Variants in FSTL5 observed in about 807,000 individuals in gnomAD.
The protein encoded by FSTL5 is follistatin-related protein 5.
FSTL5 carries 62 observed loss-of-function variants against 89.1 expected under a neutral mutation model. The observed-to-expected ratio is 0.70, with a 90% confidence interval of 0.57 to 0.86. The LOEUF (loss-of-function observed/expected upper bound fraction) is 0.86. Among genes scored for constraint, FSTL5 ranks in the 40% least tolerant of loss-of-function variants. The pLI is 0.00. For missense variants in FSTL5, 1,057 were observed against 1,001.6 expected (o/e 1.06, Z -0.75); for synonymous variants, 383 against 346.2 (o/e 1.11, Z -1.18).
intron 6 of FSTL5, among the ~76,000 whole-genome samples, chr4:161,709,253 TA>T (rs1369001406): frequency 2.6e-5 from 4 of 152,156 alleles, no homozygotes; most frequent in African/African-American, 9.7e-5. Context: ...ATATATCACA[TA>T]AATTTAAAAA....
chr4:161,547,955 T>C (rs1473478058), intron 8 of FSTL5, among the ~76,000 whole-genome samples: 1 of 151,912 alleles, frequency 6.6e-6, no homozygotes, highest in Admixed American at 6.6e-5. Context: ...TCTACAAATA[T>C]ATTTAACATG....
At chr4:161,793,583 T>C (rs1401851363) in intron 4 of FSTL5, among the ~76,000 whole-genome samples, 2 of 146,170 alleles carry the variant, frequency 1.4e-5, no homozygotes, top group African/African-American at 5.1e-5. Flanking sequence ...TTTTGTCAAA[T>C]AAGGTTGCTT....
At chr4:161,529,187 T>C (rs971097465) in intron 10 of FSTL5, among the ~76,000 whole-genome samples, 3 of 143,538 alleles carry the variant, frequency 2.1e-5, no homozygotes, top group Non-Finnish European at 4.6e-5. Context: ...ACATAGTATC[T>C]TGTTAGTTAA....
intron 6 of FSTL5, among the ~76,000 whole-genome samples, chr4:161,657,864 A>G (rs1192484436): frequency 6.6e-6 from 1 of 152,160 alleles, no homozygotes; most frequent in Non-Finnish European, 1.5e-5. Context: ...ATAAAATGAA[A>G]CAGAAATATA....
intron 2 of FSTL5, among the ~76,000 whole-genome samples, chr4:162,108,524 T>C (rs948238678): frequency 6.6e-6 from 1 of 152,044 alleles, no homozygotes; most frequent in Middle Eastern, 3.4e-3. Context: ...ATTTTATACT[T>C]TTCTAGTCAA....
chr4:161,393,385 G>A (rs1730887125), intron 15 of FSTL5, among the ~76,000 whole-genome samples: 1 of 151,612 alleles, frequency 6.6e-6, no homozygotes, highest in Non-Finnish European at 1.5e-5. Context: ...TGAAGGAAAT[G>A]GAGAGAAAAT....
At chr4:161,947,142 A>ATGTGTGTGTGTGTG (rs70937698) in intron 3 of FSTL5, among the ~76,000 whole-genome samples, 1 of 148,476 alleles carries the variant, frequency 6.7e-6, no homozygotes, top group Non-Finnish European at 1.5e-5. Context: ...GTGTGTGTGT[A>ATGTGTGTGTGTGTG]TGTGTGTGTG....
chr4:161,644,467 A>AGTGAGCC (rs1308953233), intron 7 of FSTL5, among the ~76,000 whole-genome samples: 2 of 151,834 alleles, frequency 1.3e-5, no homozygotes, highest in Non-Finnish European at 2.9e-5. Flanking sequence ...TGGAGGTTGT[A>AGTGAGCC]GTGAGCCGAG....
At position 161,932,019 on chromosome 4, in the gene FSTL5, G is replaced by A. The variant is rs751969949; in HGVS notation, c.161-11367C>T. On this transcript the variant is annotated intron_variant, in intron 3 of 15. Transcript: ENST00000306100. ...ATGATGGTAGAGAAGTAAGGTTACGGGACTATTTAGAGTAACGGTTCTAAT... is the reference window on the plus strand; with the variant it reads ...ATGATGGTAGAGAAGTAAGGTTACGAGACTATTTAGAGTAACGGTTCTAAT... Among the ~76,000 whole-genome samples the A allele has an allele frequency of 3.3e-5, 5 of 151,828 alleles. No homozygotes were observed. The East Asian group carries it at 9.7e-4, about 29-fold the overall frequency.
chr4:162,021,991 T>C (rs1471026330), intron 3 of FSTL5, among the ~76,000 whole-genome samples: 3 of 151,270 alleles, frequency 2.0e-5, no homozygotes, highest in Admixed American at 6.6e-5. Context: ...TTTGGGAAGC[T>C]GAGGCAGGAG....
chr4:161,801,908 G>A (rs1729807016), intron 4 of FSTL5, among the ~76,000 whole-genome samples: 1 of 151,438 alleles, frequency 6.6e-6, no homozygotes, highest in Admixed American at 6.6e-5. Context: ...TGCAGAATAT[G>A]GAATTATTTG....
intron 1 of FSTL5, among the ~76,000 whole-genome samples, chr4:162,119,783 T>C (rs910747572): frequency 1.3e-5 from 2 of 152,158 alleles, no homozygotes; most frequent in Non-Finnish European, 2.9e-5. Flanking sequence ...CATCTGGCTC[T>C]AATTTTATAT....
intron 1 of FSTL5, among the ~76,000 whole-genome samples, chr4:162,152,626 T>G (rs1041338851): frequency 6.6e-6 from 1 of 152,182 alleles, no homozygotes; most frequent in African/African-American, 2.4e-5. Context: ...TAAGCATTTC[T>G]CTTTCCCTAA....
At chr4:162,114,529 GACACACACACACAC>G (rs9308041) in intron 1 of FSTL5, among the ~76,000 whole-genome samples, 432 of 149,126 alleles carry the variant, frequency 2.9e-3, no homozygotes, top group Middle Eastern at 6.9e-3. Flanking sequence ...TTTGTGTGTG[GACACACACACACAC>G]ACACACACAC....
chr4:161,607,222 T>A (rs1734479994), intron 7 of FSTL5, among the ~76,000 whole-genome samples: 1 of 152,156 alleles, frequency 6.6e-6, no homozygotes. Context: ...TATGAAAATG[T>A]AGAGAAAAAA....
At chr4:161,802,334 G>T (rs1729824392) in intron 4 of FSTL5, among the ~76,000 whole-genome samples, 1 of 151,654 alleles carries the variant, frequency 6.6e-6, no homozygotes, top group Admixed American at 6.6e-5. Flanking sequence ...ATATATATGG[G>T]GGTATATGTG....
intron 3 of FSTL5, among the ~76,000 whole-genome samples, chr4:162,028,447 C>T (rs1056317264): frequency 3.9e-5 from 6 of 152,166 alleles, no homozygotes; most frequent in South Asian, 2.1e-4. Context: ...GGTGCTGGCA[C>T]GCATTTGTAA....
intron 8 of FSTL5, among the ~76,000 whole-genome samples, chr4:161,548,624 G>T (rs543430486): frequency 6.6e-6 from 1 of 151,866 alleles, no homozygotes; most frequent in East Asian, 2.0e-4. Flanking sequence ...CAATTGTATG[G>T]ACAGTCAATT....
At chr4:161,513,799 G>T (rs975779039) in intron 10 of FSTL5, among the ~76,000 whole-genome samples, 2 of 152,082 alleles carry the variant, frequency 1.3e-5, no homozygotes, top group African/African-American at 4.8e-5. Flanking sequence ...TGAAAACACG[G>T]AAACATGAAA....
Sources: gnomAD v4.1 joint callset for allele counts (sites outside exome capture counted in the v4.1 genomes callset) on GRCh38, gnomAD v4.1.1 for gene constraint, MANE v1.5 for transcripts, NCBI Gene and HGNC (gene_info 2026-07-23, HGNC 2026-07-21) for gene names.